The following PARVA variants were observed in gnomAD, a reference collection of about 807,000 sequenced individuals.
PARVA encodes alpha-parvin.
Under a neutral mutation model 52.6 loss-of-function variants are expected in PARVA, and 25 were observed. The observed-to-expected ratio is 0.48, with a 90% CI of 0.35 to 0.66. PARVA has a LOEUF of 0.66. PARVA is among the 30% of genes least tolerant of loss of function. The probability of loss-of-function intolerance (pLI) is 0.01; values close to 1 mark genes in which losing one functional copy is unlikely to be tolerated. For synonymous variants in PARVA, 185 were observed against 179.1 expected, an observed-to-expected ratio of 1.03 and a Z score of -0.26; for missense variants, 373 against 450.9, an observed-to-expected ratio of 0.83 and a Z score of 1.56.
rs1482919020 is a variant in PARVA at position 12,531,911 on chromosome 11, G to C, written c.*3986G>C. Among the ~76,000 whole-genome samples, 1 of 152,016 alleles carries C rather than the reference G, an allele frequency of 6.6e-6. No individual in the cohort carries two copies. The highest frequency in any genetic ancestry group is 2.4e-5 in the African/African-American group (1 of 41,392). On this transcript the variant is annotated 3_prime_UTR_variant, in exon 13 of 13. Transcript: ENST00000334956. ...CAGCTTCCCAAATACTTGCAGATTT[G>C]GGTCTTACCAAAAGAAAAGTCAGTA...
At chr11:12,481,218 C>T (rs1440803613) in intron 4 of PARVA, among the ~76,000 whole-genome samples, 2 of 152,170 alleles carry the variant, frequency 1.3e-5, no homozygotes, top group Non-Finnish European at 1.5e-5. Context: ...ATGGTCTCTT[C>T]TCTGTATTCC....
chr11:12,452,376 A>G (rs1940634415), intron 1 of PARVA, among the ~76,000 whole-genome samples: 1 of 152,044 alleles, frequency 6.6e-6, no homozygotes, highest in African/African-American at 2.4e-5. Context: ...ATCATAAGAG[A>G]CAACCTAAAC....
chr11:12,523,075 G>T (rs4237719), intron 12 of PARVA, among the ~76,000 whole-genome samples: 136,002 of 152,128 alleles, frequency 0.89, 61,638 homozygotes, highest in Non-Finnish European at 0.97. Context: ...TGTTGCATGG[G>T]TTTTTTTCTG....
At chr11:12,506,656 G>T (rs1323963582) in intron 6 of PARVA, among the ~76,000 whole-genome samples, 1 of 152,212 alleles carries the variant, frequency 6.6e-6, no homozygotes, top group Non-Finnish European at 1.5e-5. Flanking sequence ...TGTTTTGTTA[G>T]CATGAGGGAG....
At chr11:12,406,044 T>C in intron 1 of PARVA, among the ~76,000 whole-genome samples, 1 of 152,230 alleles carries the variant, frequency 6.6e-6, no homozygotes, top group Non-Finnish European at 1.5e-5. Context: ...GTTTTTAGCT[T>C]TGTTTTTACA....
intron 1 of PARVA, among the ~76,000 whole-genome samples, chr11:12,472,320 G>A (rs1242381261): frequency 4.6e-5 from 7 of 152,340 alleles, no homozygotes; most frequent in East Asian, 1.9e-4. Flanking sequence ...ATTGCAGCCC[G>A]TGAGCTGTGG....
At chr11:12,434,934 G>T (rs1257710065) in intron 1 of PARVA, among the ~76,000 whole-genome samples, 1 of 152,068 alleles carries the variant, frequency 6.6e-6, no homozygotes, top group East Asian at 1.9e-4. Flanking sequence ...CATAACCCCA[G>T]TCCTCAGTCC....
rs989321499 is a variant in PARVA at position 12,528,052 on chromosome 11, C to A, written c.*127C>A. 10 of 733,582 alleles carry A rather than the reference C, an allele frequency of 1.4e-5. No homozygotes were observed. In the African/African-American group the frequency reaches 1.4e-4, roughly 10 times the overall value. The allele number at this position is 733,582 out of a possible 1,614,324, so 45.4% of individuals were successfully genotyped here. On this transcript the variant is annotated 3_prime_UTR_variant, in exon 13 of 13. Transcript: ENST00000334956. Reference sequence around the variant, plus strand: ...TGCTCTCCCACAAGTCCAGCTGCAACCCAGAGATAGTGGAAACTGAAATTA... The same window carrying A: ...TGCTCTCCCACAAGTCCAGCTGCAAACCAGAGATAGTGGAAACTGAAATTA...
At chr11:12,513,960 A>T (rs1029343909) in intron 9 of PARVA, 37 bp from the exon 10 acceptor site, 2 of 1,569,298 alleles carry the variant, frequency 1.3e-6, no homozygotes, top group African/African-American at 2.7e-5. Flanking sequence ...CACTAGTGCG[A>T]GTCCCCAGCT....
chr11:12,523,274 G>A (rs747862010), intron 12 of PARVA, among the ~76,000 whole-genome samples: 14 of 152,166 alleles, frequency 9.2e-5, no homozygotes, highest in African/African-American at 1.9e-4. Context: ...AGATAGAGGC[G>A]CAGGGAGGTC....
intron 1 of PARVA, among the ~76,000 whole-genome samples, chr11:12,414,003 C>T (rs528797342): frequency 1.8e-4 from 27 of 152,346 alleles, no homozygotes; most frequent in Non-Finnish European, 2.6e-4. Context: ...CAGGACCAGA[C>T]GTGTACCCTG....
intron 1 of PARVA, among the ~76,000 whole-genome samples, chr11:12,445,832 A>G (rs1940537805): frequency 6.6e-6 from 1 of 152,208 alleles, no homozygotes; most frequent in Non-Finnish European, 1.5e-5. Context: ...TACCCATGAG[A>G]ACACTGGCAT....
intron 10 of PARVA, among the ~76,000 whole-genome samples, chr11:12,516,355 G>A (rs888298736): frequency 1.1e-4 from 16 of 152,134 alleles, no homozygotes; most frequent in Non-Finnish European, 1.5e-4. Context: ...CTAGAATGTC[G>A]GATGTGCATC....
chr11:12,492,329 T>C (rs1941244055), intron 4 of PARVA, among the ~76,000 whole-genome samples: 1 of 152,172 alleles, frequency 6.6e-6, no homozygotes, highest in South Asian at 2.1e-4. Context: ...TCCTATCAAT[T>C]TCAAAATCAT....
rs1941070544 is a variant in PARVA, at chr11:12,480,313, TTAATGAGTGTTAATATTTA to T, written c.400+2365_400+2383del. On this transcript the variant is annotated intron_variant, in intron 4 of 12. Coordinates refer to ENST00000334956, the MANE Select transcript of PARVA (RefSeq NM_018222.5). ...CTGATTTGGTTCTCAGACATCAGTATTAATGAGTGTTAATATTTAAAGGCTTGTAAACTCCAACTGAATA... is the reference window on the plus strand; with the variant it reads ...CTGATTTGGTTCTCAGACATCAGTATAAGGCTTGTAAACTCCAACTGAATA... 2.0e-5 allele frequency: 3 copies of T among 151,962 alleles called. No homozygotes were observed. In the South Asian group the frequency reaches 6.2e-4, roughly 32 times the overall value. 9.4% of individuals were successfully genotyped at this position (151,962 alleles called of 1,614,324 possible).
intron 1 of PARVA, among the ~76,000 whole-genome samples, chr11:12,414,648 T>C (rs2134978088): frequency 6.6e-6 from 1 of 152,180 alleles, no homozygotes; most frequent in African/African-American, 2.4e-5. Context: ...TTTTTTTTTT[T>C]TTGTCTCTAA....
At chr11:12,511,923 C>T (rs1195954957) in intron 8 of PARVA, among the ~76,000 whole-genome samples, 1 of 152,164 alleles carries the variant, frequency 6.6e-6, no homozygotes. Flanking sequence ...GCACTACTTG[C>T]AAGTGCTTAT....
intron 1 of PARVA, among the ~76,000 whole-genome samples, chr11:12,465,020 G>A (rs951358792): frequency 5.3e-5 from 8 of 152,152 alleles, no homozygotes; most frequent in Non-Finnish European, 8.8e-5. Flanking sequence ...TAGGGTTTGC[G>A]CTCCTATGAG....
intron 4 of PARVA, among the ~76,000 whole-genome samples, chr11:12,491,686 T>C (rs1480558335): frequency 3.9e-5 from 6 of 152,238 alleles, no homozygotes; most frequent in Non-Finnish European, 8.8e-5. Flanking sequence ...ATATGTACTT[T>C]TGTATATCAA....
Sources: gnomAD v4.1 joint callset for allele counts (sites outside exome capture counted in the v4.1 genomes callset) on GRCh38, gnomAD v4.1.1 for gene constraint, MANE v1.5 for transcripts, NCBI Gene and HGNC (gene_info 2026-07-23, HGNC 2026-07-21) for gene names.